The following KIAA0825 variants were observed in gnomAD, a reference collection of about 807,000 sequenced individuals.
The protein encoded by KIAA0825 is KIAA0825.
A neutral mutation model predicts 147.6 loss-of-function variants in KIAA0825; 119 were observed. The observed-to-expected ratio is 0.81, with a 90% CI of 0.69 to 0.94. The LOEUF (loss-of-function observed/expected upper bound fraction) is 0.94, where lower values mean the gene tolerates loss of function less well. KIAA0825 is among the 40% of genes least tolerant of loss of function. The pLI, the probability that KIAA0825 is intolerant of heterozygous loss-of-function variation, is 0.00. For missense variants in KIAA0825, 1,381 were observed against 1,472.7 expected, an observed-to-expected ratio of 0.94 and a Z score of 1.02; for synonymous variants, 470 against 518.1, an observed-to-expected ratio of 0.91 and a Z score of 1.26.
intron 20 of KIAA0825, among the ~76,000 whole-genome samples, chr5:94,321,700 C>T (rs923791969): frequency 2.0e-5 from 3 of 151,904 alleles, no homozygotes; most frequent in East Asian, 1.9e-4. Context: ...ACATTGAGGG[C>T]AGCAAATCAC....
At chr5:94,250,876 T>C (rs1424716119) in intron 20 of KIAA0825, among the ~76,000 whole-genome samples, 1 of 152,130 alleles carries the variant, frequency 6.6e-6, no homozygotes, top group Non-Finnish European at 1.5e-5. Flanking sequence ...ATTTAAAATA[T>C]AATTCTCCAT....
At chr5:94,407,692 C>T (rs1484614851) in intron 15 of KIAA0825, among the ~76,000 whole-genome samples, 1 of 152,122 alleles carries the variant, frequency 6.6e-6, no homozygotes, top group Non-Finnish European at 1.5e-5. Context: ...TGGGGAGGAA[C>T]TGTTAATGGG....
At chr5:94,501,506 C>T (rs763520284) in intron 5 of KIAA0825, among the ~76,000 whole-genome samples, 4 of 152,200 alleles carry the variant, frequency 2.6e-5, no homozygotes, top group South Asian at 4.1e-4. Flanking sequence ...GACTCCAAAG[C>T]TCCTAATAGC....
chr5:94,605,430 C>T (rs1245480916), intron 1 of KIAA0825, among the ~76,000 whole-genome samples: 1 of 152,132 alleles, frequency 6.6e-6, no homozygotes, highest in African/African-American at 2.4e-5. Flanking sequence ...CCAGCATCAT[C>T]CTGATACCAA....
intron 20 of KIAA0825, among the ~76,000 whole-genome samples, chr5:94,198,388 T>C (rs1165556198): frequency 6.6e-6 from 1 of 152,136 alleles, no homozygotes; most frequent in Non-Finnish European, 1.5e-5. Context: ...GGTAGAATCA[T>C]ATTGTCTGCA....
At chr5:94,505,117 T>C (rs892270316) in intron 5 of KIAA0825, among the ~76,000 whole-genome samples, 6 of 151,804 alleles carry the variant, frequency 4.0e-5, no homozygotes, top group Admixed American at 1.3e-4. Context: ...CCCAGCACTT[T>C]GGGAGGCTGA....
At chr5:94,182,152 T>TG (rs2149979260) in intron 20 of KIAA0825, among the ~76,000 whole-genome samples, 1 of 151,224 alleles carries the variant, frequency 6.6e-6, no homozygotes, top group African/African-American at 2.4e-5. Flanking sequence ...CTATAGACAA[T>TG]GCAGGCTCAC....
intron 14 of KIAA0825, among the ~76,000 whole-genome samples, chr5:94,419,056 T>C (rs1331656824): frequency 2.6e-5 from 4 of 152,086 alleles, no homozygotes; most frequent in African/African-American, 9.7e-5. Flanking sequence ...TTTGTTTTAT[T>C]GTAGAGATGG....
intron 2 of KIAA0825, among the ~76,000 whole-genome samples, chr5:94,544,755 T>C (rs892372327): frequency 6.6e-6 from 1 of 152,190 alleles, no homozygotes; most frequent in African/African-American, 2.4e-5. Flanking sequence ...ATGAGACTTT[T>C]GAACATCTGA....
chr5:94,254,965 T>C (rs942015292), intron 20 of KIAA0825, among the ~76,000 whole-genome samples: 2 of 151,974 alleles, frequency 1.3e-5, no homozygotes, highest in African/African-American at 2.4e-5. Context: ...AACATAAATG[T>C]ATGGAAATTT....
intron 20 of KIAA0825, among the ~76,000 whole-genome samples, chr5:94,254,671 G>A (rs116242143): frequency 6.6e-6 from 1 of 152,136 alleles, no homozygotes; most frequent in Non-Finnish European, 1.5e-5. Context: ...ATATTGACAA[G>A]TTTAATTAAG....
chr5:94,165,514 C>G (rs1157311723), intron 20 of KIAA0825, among the ~76,000 whole-genome samples: 1 of 152,018 alleles, frequency 6.6e-6, no homozygotes, highest in African/African-American at 2.4e-5. Context: ...GGGTATATAC[C>G]CAAAGGAAAG....
At chr5:94,364,765 T>A (rs912305825) in intron 20 of KIAA0825, among the ~76,000 whole-genome samples, 1 of 152,160 alleles carries the variant, frequency 6.6e-6, no homozygotes, top group African/African-American at 2.4e-5. Flanking sequence ...AGTCAGATAG[T>A]GAGGGTAATG....
intron 20 of KIAA0825, among the ~76,000 whole-genome samples, chr5:94,281,763 T>C (rs1245527599): frequency 6.6e-6 from 1 of 152,112 alleles, no homozygotes; most frequent in Non-Finnish European, 1.5e-5. Flanking sequence ...TAGGCCCTGA[T>C]TGAGAACCAC....
intron 1 of KIAA0825, among the ~76,000 whole-genome samples, chr5:94,609,392 A>G (rs1788265572): frequency 6.6e-6 from 1 of 152,142 alleles, no homozygotes; most frequent in South Asian, 2.1e-4. Flanking sequence ...GTTAACATGT[A>G]GTGGTTTGTT....
chr5:94,483,685 TTATAA>T (rs2151040735), intron 6 of KIAA0825, among the ~76,000 whole-genome samples: 1 of 151,906 alleles, frequency 6.6e-6, no homozygotes, highest in South Asian at 2.1e-4. Context: ...GTTATTTATT[TTATAA>T]TATAACAGTG....
intron 2 of KIAA0825, among the ~76,000 whole-genome samples, chr5:94,572,674 T>C (rs1780202685): frequency 6.6e-6 from 1 of 152,182 alleles, no homozygotes; most frequent in African/African-American, 2.4e-5. Context: ...GAACTATATA[T>C]ACAGCATAAT....
At position 94,574,712 on chromosome 5, in the gene KIAA0825, T is replaced by A. The variant is rs545108783; in HGVS notation, c.-2+7721A>T. Among the ~76,000 whole-genome samples the A allele has an allele frequency of 4.7e-4, 71 of 152,188 alleles. 1 individual carries two copies. Among genetic ancestry groups the A allele is most frequent in the African/African-American group, 1.4e-3 (59 of 41,488 alleles). ...TATATAATTATGTCTTCATTTTTTT[T>A]AAATTAATTTTTGTTAGTTTGTCTT... On this transcript the variant is annotated intron_variant, in intron 2 of 20. Coordinates refer to ENST00000682413, the MANE Select transcript of KIAA0825 (RefSeq NM_001145678.3).
intron 14 of KIAA0825, among the ~76,000 whole-genome samples, chr5:94,424,815 G>A (rs1754637212): frequency 1.3e-5 from 2 of 152,022 alleles, no homozygotes; most frequent in South Asian, 4.1e-4. Context: ...CATTACAACT[G>A]AGACCACAGA....
Sources: gnomAD v4.1 joint callset for allele counts (sites outside exome capture counted in the v4.1 genomes callset) on GRCh38, gnomAD v4.1.1 for gene constraint, MANE v1.5 for transcripts, NCBI Gene and HGNC (gene_info 2026-07-23, HGNC 2026-07-21) for gene names.